KDM4C: variants seen among roughly 807,000 people sequenced by gnomAD.
KDM4C encodes lysine-specific demethylase 4C.
A neutral mutation model predicts 129.3 loss-of-function variants in KDM4C; 81 were observed. The observed-to-expected ratio is 0.63, with a 90% CI of 0.52 to 0.75. The LOEUF (loss-of-function observed/expected upper bound fraction) is 0.75. Among genes scored for constraint, KDM4C ranks in the 30% least tolerant of loss-of-function variants. The pLI is 0.00. For missense variants in KDM4C, 1,457 were observed against 1,304.0 expected (o/e 1.12, Z -1.81); for synonymous variants, 573 against 456.1 (o/e 1.26, Z -3.26).
intron 4 of KDM4C, among the ~76,000 whole-genome samples, chr9:6,846,991 C>A (rs933413577): frequency 6.6e-6 from 1 of 152,162 alleles, no homozygotes; most frequent in Non-Finnish European, 1.5e-5. Flanking sequence ...GGGTTATAAT[C>A]TAGGTCTTTT....
intron 17 of KDM4C, among the ~76,000 whole-genome samples, chr9:7,100,953 C>T (rs758963474): frequency 6.6e-6 from 1 of 152,078 alleles, no homozygotes; most frequent in South Asian, 2.1e-4. Flanking sequence ...CACCTGTTTC[C>T]CATGGTCTAG....
chr9:6,984,699 A>G (rs893675948), intron 10 of KDM4C, among the ~76,000 whole-genome samples: 2 of 152,218 alleles, frequency 1.3e-5, no homozygotes, highest in Admixed American at 6.5e-5. Flanking sequence ...AATTTACAAT[A>G]TACGTTTTTG....
chr9:6,992,005 G>A (rs896297347), intron 12 of KDM4C, among the ~76,000 whole-genome samples: 15 of 145,112 alleles, frequency 1.0e-4, no homozygotes, highest in East Asian at 5.9e-4. Flanking sequence ...ATATCATAAT[G>A]TTGAGTTCTT....
At chr9:6,971,180 C>A (rs547925227) in intron 8 of KDM4C, among the ~76,000 whole-genome samples, 1 of 152,160 alleles carries the variant, frequency 6.6e-6, no homozygotes, top group South Asian at 2.1e-4. Context: ...GTAATCTTTG[C>A]TGTGATTATT....
chr9:6,964,687 C>A (rs1334612739), intron 8 of KDM4C, among the ~76,000 whole-genome samples: 1 of 147,932 alleles, frequency 6.8e-6, no homozygotes, highest in Non-Finnish European at 1.5e-5. Context: ...GAGGCTGAGG[C>A]AGGAGAATGG....
At chr9:7,165,120 T>C in intron 19 of KDM4C, 118 bp from the exon 20 acceptor site, 2 of 1,204,640 alleles carry the variant, frequency 1.7e-6, no homozygotes, top group Non-Finnish European at 2.3e-6. Flanking sequence ...GAGATCATAA[T>C]CCATAAAACA....
At position 7,174,695 on chromosome 9, in the gene KDM4C, G is replaced by A; in HGVS notation, c.3137G>A (p.Ser1046Asn). The A allele has an allele frequency of 6.2e-7, 1 of 1,614,138 alleles. No homozygotes were observed. Residue 1046 changes from serine (S) to asparagine (N), a missense_variant, in exon 22 of 22, where the codon AGC becomes AAC. Transcript: ENST00000381309. ...ADPVYRTFLKSSFQKKCQKRQ is the reference protein window; with the variant it reads ...ADPVYRTFLKNSFQKKCQKRQ Reference sequence around the variant, plus strand: ...CCTGTATACCGCACTTTTTTGAAGAGCTCTTTCCAGAAGAAGTGCCAGAAG... The same window carrying A: ...CCTGTATACCGCACTTTTTTGAAGAACTCTTTCCAGAAGAAGTGCCAGAAG...
chr9:7,006,049 G>C (rs1217987502), intron 12 of KDM4C, among the ~76,000 whole-genome samples: 1 of 152,170 alleles, frequency 6.6e-6, no homozygotes, highest in Admixed American at 6.5e-5. Context: ...AAATTAATGT[G>C]TATAAAAAGC....
rs1033671708 is a variant in KDM4C at position 6,866,951 on chromosome 9, G to A, written c.630-13061G>A. On this transcript the variant is annotated intron_variant, in intron 5 of 21. Transcript: ENST00000381309. ...AAAATGTATGTAAAAATGTATATATGTGTATATAAAAATATATGTTTGTGT... is the reference window on the plus strand; with the variant it reads ...AAAATGTATGTAAAAATGTATATATATGTATATAAAAATATATGTTTGTGT... 1.2e-4 allele frequency among the ~76,000 whole-genome samples: 17 copies of A among 144,276 alleles called. No individual in the cohort carries two copies. In the South Asian group the frequency reaches 3.5e-3, roughly 29 times the overall value. 94.7% of individuals were successfully genotyped at this position (144,276 alleles called of 152,430 possible).
At chr9:6,779,481 G>T (rs529923602) in intron 1 of KDM4C, among the ~76,000 whole-genome samples, 52 of 152,260 alleles carry the variant, frequency 3.4e-4, no homozygotes, top group African/African-American at 1.2e-3. Context: ...TAACTAATTT[G>T]GTGTGTTCGT....
chr9:7,099,698 C>T (rs890585628), intron 17 of KDM4C, among the ~76,000 whole-genome samples: 10 of 152,178 alleles, frequency 6.6e-5, no homozygotes, highest in African/African-American at 9.7e-5. Flanking sequence ...TCAGTGGCCC[C>T]GCCAAGATGT....
chr9:6,799,436 G>A (rs1203656218), intron 2 of KDM4C, among the ~76,000 whole-genome samples: 2 of 152,146 alleles, frequency 1.3e-5, no homozygotes, highest in Non-Finnish European at 2.9e-5. Flanking sequence ...GTGGCGGCGC[G>A]CGTCTGCAAT....
intron 12 of KDM4C, among the ~76,000 whole-genome samples, chr9:6,991,928 A>G (rs1157595283): frequency 6.6e-6 from 1 of 152,212 alleles, no homozygotes; most frequent in East Asian, 1.9e-4. Flanking sequence ...TTTGTATGAA[A>G]CCAATCCAGG....
intron 8 of KDM4C, among the ~76,000 whole-genome samples, chr9:6,941,145 C>T (rs1825863654): frequency 6.6e-6 from 1 of 151,960 alleles, no homozygotes; most frequent in Non-Finnish European, 1.5e-5. Flanking sequence ...ATTCTTGTGC[C>T]TCAGCCTCCC....
chr9:6,893,269 G>A (rs1390158551), intron 8 of KDM4C, 37 bp downstream of exon 8: 5 of 1,557,868 alleles, frequency 3.2e-6, no homozygotes, highest in Non-Finnish European at 4.4e-6. Context: ...AAAATTAAAT[G>A]TGTATTCTGG....
intron 12 of KDM4C, among the ~76,000 whole-genome samples, chr9:7,001,030 A>G (rs542366701): frequency 1.3e-5 from 2 of 152,360 alleles, no homozygotes; most frequent in South Asian, 2.1e-4. Context: ...GTTAAGTAAC[A>G]TGTCCAAGAC....
intron 4 of KDM4C, among the ~76,000 whole-genome samples, chr9:6,827,096 C>G (rs1564103372): frequency 1.3e-5 from 2 of 152,168 alleles, no homozygotes; most frequent in South Asian, 2.1e-4. Flanking sequence ...CAGACACCCA[C>G]TGCCCCATTT....
chr9:6,835,311 G>C (rs904343530), intron 4 of KDM4C: 1 of 915,592 alleles, frequency 1.1e-6, no homozygotes, highest in Non-Finnish European at 1.8e-6. Context: ...AGTGTGATGT[G>C]GACATCCACA....
intron 8 of KDM4C, 91 bp from the exon 9 acceptor site, chr9:6,980,834 A>C: frequency 9.4e-7 from 1 of 1,063,612 alleles, no homozygotes; most frequent in Non-Finnish European, 1.4e-6. Context: ...GTAGTGACTA[A>C]GTATTCATGG....
Sources: allele counts gnomAD v4.1 joint callset (sites outside exome capture counted in the v4.1 genomes callset), GRCh38; gene constraint gnomAD v4.1.1; transcripts MANE v1.5; gene names NCBI Gene and HGNC (gene_info 2026-07-23, HGNC 2026-07-21).